The following RBFOX1 variants were observed in gnomAD, a reference collection of about 807,000 sequenced individuals.
RBFOX1 encodes RNA binding fox-1 homolog 1.
RBFOX1 carries 8 observed loss-of-function variants against 57.7 expected under a neutral mutation model. The observed-to-expected ratio is 0.14, with a 90% CI of 0.08 to 0.25. The LOEUF is 0.25. Ranked by LOEUF, RBFOX1 falls within the 10% of genes least tolerant of loss-of-function variation. RBFOX1 has a pLI of 1.00. For missense variants in RBFOX1, 611 were observed against 548.5 expected (o/e 1.11, Z -1.14); for synonymous variants, 326 against 222.4 (o/e 1.47, Z -4.15).
chr16:6,194,007 G>T (rs2097164070), intron 1 of RBFOX1, among the ~76,000 whole-genome samples: 1 of 152,160 alleles, frequency 6.6e-6, no homozygotes, highest in African/African-American at 2.4e-5. Flanking sequence ...ATGCCTCTAA[G>T]CTGATGAAGC....
At chr16:5,444,709 T>C (rs2068189035) in intron 1 of RBFOX1, among the ~76,000 whole-genome samples, 1 of 152,006 alleles carries the variant, frequency 6.6e-6, no homozygotes, top group East Asian at 1.9e-4. Context: ...AAGGGAGAAA[T>C]GAGGAAGAGA....
At chr16:5,618,808 C>T (rs919053734) in intron 3 of RBFOX1, among the ~76,000 whole-genome samples, 1 of 152,162 alleles carries the variant, frequency 6.6e-6, no homozygotes, top group African/African-American at 2.4e-5. Context: ...TACTTAAAAG[C>T]GTTAAAAGGC....
At position 6,907,251 on chromosome 16, in the gene RBFOX1, G is replaced by C. The variant is rs573034902; in HGVS notation, c.-15-144806G>C. On this transcript the variant is annotated intron_variant, in intron 3 of 15. Transcript: ENST00000550418. Reference sequence around the variant, plus strand: ...TACAGTGCGCAGGATGGCCCCCGAAGCAAAGCGTTTGTAGTGCTGACAGTG... The same window carrying C: ...TACAGTGCGCAGGATGGCCCCCGAACCAAAGCGTTTGTAGTGCTGACAGTG... 2.0e-5 allele frequency among the ~76,000 whole-genome samples: 3 copies of C among 152,116 alleles called. 1 individual carries two copies. The highest frequency in any genetic ancestry group is 4.4e-5 in the Non-Finnish European group (3 of 68,038).
At position 7,695,461 on chromosome 16, in the gene RBFOX1, T is replaced by C. The variant is rs57924242; in HGVS notation, c.996-13595T>C. Among the ~76,000 whole-genome samples, 380 of 152,166 alleles carry C rather than the reference T, an allele frequency of 2.5e-3. 2 individuals carry two copies. The highest frequency in any genetic ancestry group is 9.1e-3 in the African/African-American group (376 of 41,522). On this transcript the variant is annotated intron_variant, in intron 14 of 15. Coordinates refer to ENST00000550418, the MANE Select transcript of RBFOX1 (RefSeq NM_018723.4). ...GAGGGTCAGGAGTCTAAGACCAGCC[T>C]GGCCAACATGGTGAAACCCCATCTC...
At chr16:6,518,214 A>G (rs906308907) in intron 2 of RBFOX1, among the ~76,000 whole-genome samples, 7 of 152,166 alleles carry the variant, frequency 4.6e-5, no homozygotes, top group Non-Finnish European at 1.0e-4. Flanking sequence ...TTTATTGATT[A>G]CCTTGAGGGT....
intron 2 of RBFOX1, among the ~76,000 whole-genome samples, chr16:6,424,531 T>C (rs1222004843): frequency 6.6e-6 from 1 of 152,146 alleles, no homozygotes; most frequent in Non-Finnish European, 1.5e-5. Context: ...AGGACAGCCC[T>C]CACTTTAAAG....
chr16:7,167,088 C>T (rs555023854), intron 4 of RBFOX1, among the ~76,000 whole-genome samples: 17 of 145,872 alleles, frequency 1.2e-4, no homozygotes, highest in Non-Finnish European at 2.4e-4. Flanking sequence ...TGGGTTCAAG[C>T]GATTCTCCTG....
chr16:7,359,581 T>A (rs1185592067), intron 4 of RBFOX1, among the ~76,000 whole-genome samples: 1 of 152,212 alleles, frequency 6.6e-6, no homozygotes, highest in Non-Finnish European at 1.5e-5. Context: ...GTGTCCGGAT[T>A]TGGGGCTCTT....
At chr16:7,052,701 T>C (rs1389723859) in intron 4 of RBFOX1, among the ~76,000 whole-genome samples, 1 of 152,162 alleles carries the variant, frequency 6.6e-6, no homozygotes, top group Admixed American at 6.6e-5. Flanking sequence ...CAGGGAGTGT[T>C]TGGTTATAAA....
At position 6,643,489 on chromosome 16, in the gene RBFOX1, G is replaced by A. The variant is rs537031205; in HGVS notation, c.-63-11114G>A. Among the ~76,000 whole-genome samples the A allele has an allele frequency of 5.3e-5, 8 of 152,106 alleles. 1 individual carries two copies. The South Asian group carries it at 1.2e-3, about 24-fold the overall frequency. On this transcript the variant is annotated intron_variant, in intron 2 of 15. Coordinates refer to ENST00000550418, the MANE Select transcript of RBFOX1 (RefSeq NM_018723.4). ...GTGAACACAGACTCTGAAGAATTCT[G>A]CTGAAAGGCAAGCATGATTTGAAAT...
chr16:5,744,810 T>A (rs1178517412), intron 3 of RBFOX1, among the ~76,000 whole-genome samples: 1 of 152,124 alleles, frequency 6.6e-6, no homozygotes, highest in African/African-American at 2.4e-5. Context: ...CAGGCTGGAG[T>A]GCAGTGGTGC....
At chr16:6,505,223 C>G (rs1040669499) in intron 2 of RBFOX1, among the ~76,000 whole-genome samples, 1 of 152,112 alleles carries the variant, frequency 6.6e-6, no homozygotes, top group Non-Finnish European at 1.5e-5. Flanking sequence ...TTGTCAGTCA[C>G]TTTTATGTAG....
chr16:6,574,507 C>T (rs1486048534), intron 2 of RBFOX1, among the ~76,000 whole-genome samples: 1 of 144,416 alleles, frequency 6.9e-6, no homozygotes, highest in Non-Finnish European at 1.5e-5. Context: ...CCGCTCACTG[C>T]AAGCTCCGCT....
At chr16:6,923,770 A>T (rs1236568221) in intron 3 of RBFOX1, among the ~76,000 whole-genome samples, 1 of 152,158 alleles carries the variant, frequency 6.6e-6, no homozygotes, top group Non-Finnish European at 1.5e-5. Flanking sequence ...ATTAATAGTT[A>T]GTCTATTTTG....
chr16:7,655,942 A>G (rs1035157060), intron 12 of RBFOX1, among the ~76,000 whole-genome samples: 3 of 152,252 alleles, frequency 2.0e-5, no homozygotes, highest in African/African-American at 7.2e-5. Context: ...ACCATGCATA[A>G]CTAATTAATG....
At chr16:5,556,828 C>G (rs150223670) in intron 2 of RBFOX1, among the ~76,000 whole-genome samples, 189 of 152,312 alleles carry the variant, frequency 1.2e-3, no homozygotes, top group African/African-American at 4.3e-3. Context: ...TATTTTCAGG[C>G]CACTGTGTAC....
At chr16:6,235,138 A>G (rs186431539) in intron 1 of RBFOX1, among the ~76,000 whole-genome samples, 8 of 152,188 alleles carry the variant, frequency 5.3e-5, no homozygotes, top group African/African-American at 1.7e-4. Context: ...TTTTGACTCA[A>G]TTATTGGCCT....
chr16:6,009,818 G>C (rs112460493), intron 4 of RBFOX1, among the ~76,000 whole-genome samples: 7 of 135,790 alleles, frequency 5.2e-5, no homozygotes, highest in Non-Finnish European at 1.2e-4. Context: ...GTGTGTGTCT[G>C]TGTGTGTGTG....
chr16:7,670,921 T>C (rs2191125), intron 13 of RBFOX1, among the ~76,000 whole-genome samples: 81,213 of 152,060 alleles, frequency 0.53, 23,152 homozygotes, highest in Non-Finnish European at 0.65. Flanking sequence ...AGTGCTAGAT[T>C]TGTATGAAAT....
Sources: allele counts gnomAD v4.1 joint callset (sites outside exome capture counted in the v4.1 genomes callset), GRCh38; gene constraint gnomAD v4.1.1; transcripts MANE v1.5; gene names NCBI Gene and HGNC (gene_info 2026-07-23, HGNC 2026-07-21).